Variants in LRRC69 observed in about 807,000 individuals in gnomAD.
LRRC69 encodes the protein leucine rich repeat containing 69.
Under a neutral mutation model 37.8 loss-of-function variants are expected in LRRC69, and 42 were observed. The observed-to-expected ratio is 1.11, with a 90% CI of 0.87 to 1.44. The LOEUF (loss-of-function observed/expected upper bound fraction) is 1.44. LRRC69 is among the 40% of genes most tolerant of loss of function. The probability of loss-of-function intolerance (pLI) is 0.00; values close to 1 mark genes in which losing one functional copy is unlikely to be tolerated. For synonymous variants in LRRC69, 141 were observed against 143.1 expected, an observed-to-expected ratio of 0.99 and a Z score of 0.11; for missense variants, 357 against 401.9, an observed-to-expected ratio of 0.89 and a Z score of 0.96.
chr8:91,141,340 C>T (rs1302189458), intron 5 of LRRC69, among the ~76,000 whole-genome samples: 2 of 152,048 alleles, frequency 1.3e-5, no homozygotes, highest in African/African-American at 4.8e-5. Flanking sequence ...CACTCTAATC[C>T]ATATGACCTC....
intron 7 of LRRC69, 136 bp downstream of exon 7, chr8:91,200,928 C>T (rs779697530): frequency 8.3e-6 from 6 of 724,160 alleles, no homozygotes; most frequent in African/African-American, 1.9e-5. Flanking sequence ...TTTGGATAGA[C>T]AAATTTGGAT....
chr8:91,123,514 G>T (rs1396746941), intron 1 of LRRC69, among the ~76,000 whole-genome samples: 1 of 151,836 alleles, frequency 6.6e-6, no homozygotes, highest in Non-Finnish European at 1.5e-5. Context: ...TTAAATCATT[G>T]TCTTACATCC....
chr8:91,192,257 T>A (rs1809511139), intron 6 of LRRC69, among the ~76,000 whole-genome samples: 2 of 152,108 alleles, frequency 1.3e-5, no homozygotes, highest in Non-Finnish European at 2.9e-5. Flanking sequence ...GTTGGACATT[T>A]GGGTTGGTTC....
chr8:91,211,620 T>TTTA (rs1809925133), intron 7 of LRRC69, among the ~76,000 whole-genome samples: 1 of 129,272 alleles, frequency 7.7e-6, no homozygotes, highest in African/African-American at 2.9e-5. Context: ...ATATATATTT[T>TTTA]TTTTTTATTT....
At chr8:91,158,476 C>G (rs1258310324) in intron 5 of LRRC69, 1 of 1,184,986 alleles carries the variant, frequency 8.4e-7, no homozygotes, top group African/African-American at 1.5e-5. Flanking sequence ...TGTTTGGAAA[C>G]CCACAAGGCC....
intron 1 of LRRC69, among the ~76,000 whole-genome samples, chr8:91,115,303 A>G (rs937780753): frequency 5.3e-5 from 8 of 151,956 alleles, no homozygotes; most frequent in African/African-American, 1.4e-4. Flanking sequence ...CAGGCCATCT[A>G]TTTTATTCAG....
intron 1 of LRRC69, among the ~76,000 whole-genome samples, chr8:91,121,899 A>C (rs967492304): frequency 6.6e-6 from 1 of 152,092 alleles, no homozygotes; most frequent in Non-Finnish European, 1.5e-5. Context: ...CAAAAAACCC[A>C]CAAAAAAACA....
At chr8:91,146,970 C>T (rs1237626956) in intron 5 of LRRC69, among the ~76,000 whole-genome samples, 4 of 151,482 alleles carry the variant, frequency 2.6e-5, no homozygotes, top group Non-Finnish European at 5.9e-5. Flanking sequence ...AAAGTATTAC[C>T]TGGCCCAAAA....
At chr8:91,119,976 C>A (rs916394719) in intron 1 of LRRC69, among the ~76,000 whole-genome samples, 3 of 151,910 alleles carry the variant, frequency 2.0e-5, no homozygotes, top group Non-Finnish European at 4.4e-5. Flanking sequence ...AGTTTCTAAT[C>A]CCTACAGGGT....
chr8:91,116,524 A>G (rs569679079), intron 1 of LRRC69, among the ~76,000 whole-genome samples: 9 of 131,702 alleles, frequency 6.8e-5, no homozygotes, highest in Non-Finnish European at 3.5e-5. Context: ...GTGTGTGAGC[A>G]TATGTGTCTG....
chr8:91,184,350 A>G (rs1196733796), intron 5 of LRRC69, among the ~76,000 whole-genome samples: 1 of 152,180 alleles, frequency 6.6e-6, no homozygotes, highest in Non-Finnish European at 1.5e-5. Flanking sequence ...TCTCTTTTAA[A>G]TATTTCTTTT....
intron 5 of LRRC69, among the ~76,000 whole-genome samples, chr8:91,139,663 A>C (rs1243654948): frequency 6.6e-6 from 1 of 151,902 alleles, no homozygotes; most frequent in Non-Finnish European, 1.5e-5. Context: ...GTCTCAAAAA[A>C]AGAAAGTTTC....
intron 7 of LRRC69, among the ~76,000 whole-genome samples, chr8:91,210,306 G>A (rs1469453318): frequency 2.0e-5 from 3 of 152,104 alleles, no homozygotes; most frequent in Non-Finnish European, 4.4e-5. Context: ...ACCACCTTCT[G>A]TCTCTTTTTT....
At chr8:91,151,285 G>A (rs1382841448) in intron 5 of LRRC69, among the ~76,000 whole-genome samples, 3 of 151,028 alleles carry the variant, frequency 2.0e-5, no homozygotes, top group Non-Finnish European at 4.4e-5. Context: ...GGTATGTTGT[G>A]TCTTTGTTCT....
At chr8:91,102,827 T>C (rs1476989496) in exon 1 of LRRC69, 1 of 1,546,590 alleles carries the variant, frequency 6.5e-7, no homozygotes, top group Non-Finnish European at 8.7e-7. Context: ...GTGTCCAGAG[T>C]TATGCAACTT....
At chr8:91,107,987 G>T (rs116998479) in intron 1 of LRRC69, among the ~76,000 whole-genome samples, 1 of 151,978 alleles carries the variant, frequency 6.6e-6, no homozygotes, top group African/African-American at 2.4e-5. Flanking sequence ...CCAAACACAC[G>T]TAGGAACAAA....
At chr8:91,203,907 C>T (rs1809753923) in intron 7 of LRRC69, among the ~76,000 whole-genome samples, 2 of 150,398 alleles carry the variant, frequency 1.3e-5, no homozygotes, top group Admixed American at 1.3e-4. Flanking sequence ...ATCACGAGGT[C>T]AGGAGATCGA....
At chr8:91,112,354 C>T (rs1269097983) in intron 1 of LRRC69, among the ~76,000 whole-genome samples, 2 of 151,988 alleles carry the variant, frequency 1.3e-5, no homozygotes, top group African/African-American at 4.8e-5. Flanking sequence ...CAAGGGGCAT[C>T]CCCTTGGCCA....
chr8:91,206,586 A>G, intron 7 of LRRC69: 4 of 885,912 alleles, frequency 4.5e-6, no homozygotes, highest in Non-Finnish European at 6.1e-6. Context: ...TCCACTGGTG[A>G]TGTTCTGAAC....
Sources: gnomAD v4.1 joint callset for allele counts (sites outside exome capture counted in the v4.1 genomes callset) on GRCh38, gnomAD v4.1.1 for gene constraint, MANE v1.5 for transcripts, NCBI Gene and HGNC (gene_info 2026-07-23, HGNC 2026-07-21) for gene names.